Variants in KIF21A observed in about 807,000 individuals in gnomAD.
KIF21A encodes kinesin-like protein KIF21A.
A neutral mutation model predicts 202.9 loss-of-function variants in KIF21A; 114 were observed. The ratio of observed to expected loss-of-function variants is 0.56; its 90% confidence interval spans 0.48 to 0.66. The LOEUF (loss-of-function observed/expected upper bound fraction) is 0.66, where lower values mean the gene tolerates loss of function less well. Among genes scored for constraint, KIF21A ranks in the 30% least tolerant of loss-of-function variants. The pLI is 0.00. For missense variants in KIF21A, 1,677 were observed against 1,994.9 expected (o/e 0.84, Z 3.04); for synonymous variants, 667 against 670.8 (o/e 0.99, Z 0.09).
At chr12:39,315,550 A>G (rs1471617140) in intron 30 of KIF21A, among the ~76,000 whole-genome samples, 2 of 151,834 alleles carry the variant, frequency 1.3e-5, no homozygotes, top group Non-Finnish European at 2.9e-5. Context: ...TTTACTTAAA[A>G]TTGCTAAACC....
intron 28 of KIF21A, 88 bp from the exon 29 acceptor site, chr12:39,318,289 A>C: frequency 7.5e-7 from 1 of 1,327,254 alleles, no homozygotes; most frequent in South Asian, 1.2e-5. Flanking sequence ...TTTTAAAAAA[A>C]AGCTTTTTAT....
At chr12:39,380,522 T>C (rs1188765698) in intron 1 of KIF21A, among the ~76,000 whole-genome samples, 1 of 152,130 alleles carries the variant, frequency 6.6e-6, no homozygotes, top group Non-Finnish European at 1.5e-5. Flanking sequence ...TAAATTCTTA[T>C]AATAAAAAAG....
At position 39,355,707 on chromosome 12, in the gene KIF21A, T is replaced by TTATATATATATACATA. The variant is rs1555172724; in HGVS notation, c.1469+1124_1469+1125insTATGTATATATATATA. Among the ~76,000 whole-genome samples the TTATATATATATACATA allele has an allele frequency of 1.4e-3, 139 of 101,226 alleles. 9 individuals carry two copies. Among genetic ancestry groups the TTATATATATATACATA allele is most frequent in the African/African-American group, 6.1e-3 (125 of 20,626 alleles). The allele number at this position is 101,226 out of a possible 152,430, so 66.4% of individuals were successfully genotyped here. ...TACCAAAAACATGAAGCATGAACAA[T>TTATATATATATACATA]TATATATATATATATATATATATAT... On this transcript the variant is annotated intron_variant, in intron 10 of 37. Coordinates refer to ENST00000361418, the MANE Select transcript of KIF21A (RefSeq NM_001173464.2).
chr12:39,395,802 A>G (rs1951699501), intron 1 of KIF21A, among the ~76,000 whole-genome samples: 1 of 149,294 alleles, frequency 6.7e-6, no homozygotes, highest in Non-Finnish European at 1.5e-5. Context: ...AGATGGCACC[A>G]CTGCACTCCA....
chr12:39,349,128 C>T (rs545101206), intron 11 of KIF21A, among the ~76,000 whole-genome samples: 4 of 152,016 alleles, frequency 2.6e-5, no homozygotes, highest in Non-Finnish European at 5.9e-5. Flanking sequence ...TCAGTAAGAA[C>T]GAATGGCTAA....
chr12:39,305,368 GAAA>G (rs539400060), intron 34 of KIF21A, among the ~76,000 whole-genome samples: 3,462 of 78,748 alleles, frequency 0.044, 41 homozygotes, highest in Non-Finnish European at 0.07. Context: ...TCCGACTCAA[GAAA>G]AAAAAAAAAA....
intron 26 of KIF21A, among the ~76,000 whole-genome samples, chr12:39,325,062 A>T (rs1945716793): frequency 6.6e-6 from 1 of 152,230 alleles, no homozygotes; most frequent in African/African-American, 2.4e-5. Context: ...AATACGCATC[A>T]TAGCTTCATA....
chr12:39,411,607 G>T (rs1278069854), intron 1 of KIF21A, among the ~76,000 whole-genome samples: 2 of 152,152 alleles, frequency 1.3e-5, no homozygotes, highest in Non-Finnish European at 2.9e-5. Context: ...GCTCACTGCA[G>T]CATCAATCTC....
intron 1 of KIF21A, among the ~76,000 whole-genome samples, chr12:39,386,992 A>G (rs1458055845): frequency 2.0e-5 from 3 of 152,058 alleles, no homozygotes; most frequent in African/African-American, 7.2e-5. Flanking sequence ...GGTAACTGTC[A>G]TTGATTAAGA....
rs140474177 is a variant in KIF21A, at chr12:39,357,573, C to A, written c.1216-136G>T. On this transcript the variant is annotated intron_variant, in intron 8 of 37. Transcript: ENST00000361418. ...TTACCAACCCCAAGGCAAAAGAAAT[C>A]CTTTCACCTCTAGTAGAACACTCCA... 779 of 729,992 alleles carry A rather than the reference C, an allele frequency of 1.1e-3. 17 individuals carry two copies. The East Asian group carries it at 0.021, about 19-fold the overall frequency. The allele number at this position is 729,992 out of a possible 1,614,324, so 45.2% of individuals were successfully genotyped here.
At chr12:39,295,704 T>TG (rs1169704850) in intron 37 of KIF21A, among the ~76,000 whole-genome samples, 1 of 142,998 alleles carries the variant, frequency 7.0e-6, no homozygotes, top group East Asian at 2.0e-4. Flanking sequence ...TTTTTTTTTT[T>TG]TTTTTTTTTT....
rs370119450 is a variant in KIF21A, at chr12:39,408,233, TC to T, written c.44+34693del. ...GATGATGGTTTTGGGATAAAACTGT[TC>T]CACCTCAGATCGTCAGGCATTAGAT... is the stretch of plus-strand genomic sequence containing the variant. On this transcript the variant is annotated intron_variant, in intron 1 of 37. Coordinates refer to ENST00000361418, the MANE Select transcript of KIF21A (RefSeq NM_001173464.2). Among the ~76,000 whole-genome samples, 587 of 152,216 alleles carry T rather than the reference TC, an allele frequency of 3.9e-3. 3 individuals carry two copies. Among genetic ancestry groups the T allele is most frequent in the African/African-American group, 0.013 (558 of 41,534 alleles).
intron 37 of KIF21A, among the ~76,000 whole-genome samples, chr12:39,300,608 G>C (rs922617948): frequency 3.9e-5 from 6 of 151,930 alleles, no homozygotes; most frequent in Non-Finnish European, 7.4e-5. Context: ...GTTTTAGATA[G>C]TCATAAGAAA....
At chr12:39,389,856 T>C (rs573431493) in intron 1 of KIF21A, among the ~76,000 whole-genome samples, 1 of 152,272 alleles carries the variant, frequency 6.6e-6, no homozygotes, top group Non-Finnish European at 1.5e-5. Flanking sequence ...ACTACATATT[T>C]TGAAGATTTT....
rs970209564 is a variant in KIF21A, at chr12:39,384,208, T to C, written c.45-13947A>G. On this transcript the variant is annotated intron_variant, in intron 1 of 37. Coordinates refer to ENST00000361418, the MANE Select transcript of KIF21A (RefSeq NM_001173464.2). The stretch of plus-strand genomic sequence containing the variant: ...AAATGTGCTTTGCTTTTTTTTAAAC[T>C]CATGGAGTTTTTTTACTTAAGGTAA... Among the ~76,000 whole-genome samples, 14 of 152,308 alleles carry C rather than the reference T, an allele frequency of 9.2e-5. 1 individual carries two copies. In the East Asian group the frequency reaches 2.3e-3, roughly 25 times the overall value.
intron 1 of KIF21A, among the ~76,000 whole-genome samples, chr12:39,373,363 T>A (rs1469280377): frequency 6.6e-6 from 1 of 152,152 alleles, no homozygotes; most frequent in African/African-American, 2.4e-5. Context: ...TTTACCCGCC[T>A]GAATATTTTT....
At position 39,319,916 on chromosome 12, in the gene KIF21A, C is replaced by T. The variant is rs772806269; in HGVS notation, c.3769G>A (p.Glu1257Lys). 13 of 1,598,506 alleles carry T rather than the reference C, an allele frequency of 8.1e-6. No homozygotes were observed. Among genetic ancestry groups the T allele is most frequent in the Non-Finnish European group, 1.1e-5 (13 of 1,168,132 alleles). Residue 1257 changes from glutamate (E) to lysine (K), a missense_variant, in exon 28 of 38, where the codon GAA becomes AAA. Glu to Lys is a moderately conservative substitution (Grantham distance 56). This residue lies in a region of KIF21A where 705 missense variants were observed against 791.9 expected (regional missense o/e 0.89). Coordinates refer to ENST00000361418, the MANE Select transcript of KIF21A (RefSeq NM_001173464.2). Reference sequence around the variant, plus strand: ...ACATTAGTCACTTACTGCTTTTGTTCCTTGGCCTTTGATTTTTCTGCTTTC... The same window carrying T: ...ACATTAGTCACTTACTGCTTTTGTTTCTTGGCCTTTGATTTTTCTGCTTTC... The part of the protein sequence containing the change: ...YEKAEKSKAK[E>K]QKHSDSGTSE...
At position 39,370,251 on chromosome 12, in the gene KIF21A, G is replaced by A. The variant is rs1949861277; in HGVS notation, c.55C>T (p.Gln19Ter). The change falls in exon 2 of 38, where the codon CAG (glutamine) becomes TAG (stop). Residue 19 changes from glutamine (Q) to a stop codon, truncating the protein, a stop_gained. Transcript: ENST00000361418. LOFTEE classifies it high-confidence loss of function. ...SVRVAVRIRPQLAKEKIEGCH... is the reference protein window; with the variant it reads ...SVRVAVRIRP Reference sequence around the variant, plus strand: ...CCTTCAATCTTCTCTTTGGCAAGCTGTGGTCTTATTCTGTGAGAAATAATC... The same window carrying A: ...CCTTCAATCTTCTCTTTGGCAAGCTATGGTCTTATTCTGTGAGAAATAATC... 1 of 1,609,684 alleles carries A rather than the reference G, an allele frequency of 6.2e-7. No individual in the cohort carries two copies. The highest frequency in any genetic ancestry group is 1.7e-5 in the Admixed American group (1 of 59,950).
intron 3 of KIF21A, among the ~76,000 whole-genome samples, chr12:39,368,507 T>C (rs1407847384): frequency 6.6e-6 from 1 of 152,158 alleles, no homozygotes; most frequent in Non-Finnish European, 1.5e-5. Context: ...TGTTCCTGTA[T>C]CAATAGTGGC....
Sources: gnomAD v4.1 joint callset for allele counts (sites outside exome capture counted in the v4.1 genomes callset) on GRCh38, gnomAD v4.1.1 for gene constraint, gnomAD v4.1.1 regional missense constraint, MANE v1.5 for transcripts, NCBI Gene and HGNC (gene_info 2026-07-23, HGNC 2026-07-21) for gene names.